LRGUK: variants seen among roughly 807,000 people sequenced by gnomAD.
LRGUK encodes the protein leucine rich repeats and guanylate kinase domain containing.
A neutral mutation model predicts 76.0 loss-of-function variants in LRGUK; 65 were observed. The observed-to-expected ratio is 0.85, with a 90% CI of 0.70 to 1.05. The LOEUF (loss-of-function observed/expected upper bound fraction) is 1.05. Ranked by LOEUF, LRGUK falls within the 50% of genes least tolerant of loss-of-function variation. The pLI is 0.00. For missense variants in LRGUK, 758 were observed against 732.8 expected (o/e 1.03, Z -0.40); for synonymous variants, 268 against 265.6 (o/e 1.01, Z -0.09).
At chr7:134,221,854 A>T in exon 16 of LRGUK, 1 of 1,603,330 alleles carries the variant, frequency 6.2e-7, no homozygotes, top group South Asian at 1.1e-5. Context: ...GATTTCCTGC[A>T]TTCTACAGAC....
At chr7:134,263,705 G>T in intron 19 of LRGUK, 140 bp from the exon 20 acceptor site, 1 of 703,576 alleles carries the variant, frequency 1.4e-6, no homozygotes, top group East Asian at 3.7e-5. Context: ...GTAAGCCACT[G>T]CACCTGGCCT....
At chr7:134,153,143 C>T (rs1233801361) in intron 5 of LRGUK, among the ~76,000 whole-genome samples, 1 of 151,872 alleles carries the variant, frequency 6.6e-6, no homozygotes, top group Non-Finnish European at 1.5e-5. Context: ...TTAAACTTAA[C>T]CCAGCTCTAT....
At position 134,210,083 on chromosome 7, in the gene LRGUK, GA is replaced by G; in HGVS notation, c.3227del (p.Lys1076SerfsTer29). The G allele has an allele frequency of 2.5e-6, 1 of 399,156 alleles. No individual in the cohort carries two copies. The highest frequency in any genetic ancestry group is 4.4e-6 in the Non-Finnish European group (1 of 226,332). 24.7% of individuals were successfully genotyped at this position (399,156 alleles called of 1,614,324 possible). A position where few individuals can be genotyped will look rare whatever the true frequency, so the allele number is the denominator to read the frequency against. ...GCCACTTCAGCAGACAGGGGCTAGG[GA>G]AAAAAAGCTCCCCAACCAGAAAGGG... On this transcript the variant is annotated frameshift_variant, in exon 16 of 16. Transcript: ENST00000645682. LOFTEE classifies it low-confidence loss of function (END_TRUNC).
intron 18 of LRGUK, among the ~76,000 whole-genome samples, chr7:134,257,375 C>A (rs1802611604): frequency 6.6e-6 from 1 of 152,088 alleles, no homozygotes; most frequent in Non-Finnish European, 1.5e-5. Flanking sequence ...AGGATGAGCT[C>A]CCCTGGTAGA....
chr7:134,210,101 C>T lies in LRGUK; in HGVS notation c.3238C>T (p.Gln1080Ter), dbSNP rs1429475626. 5.0e-6 allele frequency: 2 copies of T among 399,378 alleles called. No homozygotes were observed. Among genetic ancestry groups the T allele is most frequent in the Non-Finnish European group, 8.8e-6 (2 of 226,380 alleles). 24.7% of individuals were successfully genotyped at this position (399,378 alleles called of 1,614,324 possible). A position where few individuals can be genotyped will look rare whatever the true frequency, so the allele number is the denominator to read the frequency against. The change falls in exon 16 of 16, where the codon CAG (glutamine) becomes TAG (stop). Residue 1080 changes from glutamine to a stop codon, truncating the protein, a stop_gained. Transcript: ENST00000645682. LOFTEE classifies it low-confidence loss of function (END_TRUNC). ...GGCTAGGGAAAAAAAGCTCCCCAAC[C>T]AGAAAGGGACGGCTAGAGGACTGGC...
chr7:134,217,505 T>A (rs1801466044), intron 15 of LRGUK, among the ~76,000 whole-genome samples: 1 of 152,202 alleles, frequency 6.6e-6, no homozygotes, highest in African/African-American at 2.4e-5. Flanking sequence ...TTCCTTGGAC[T>A]TATGTGATAA....
At chr7:134,240,483 C>T (rs535125984) in intron 16 of LRGUK, among the ~76,000 whole-genome samples, 70 of 152,028 alleles carry the variant, frequency 4.6e-4, no homozygotes, top group South Asian at 4.2e-3. Context: ...TGAAATGAAG[C>T]GAGAAGAGAA....
At chr7:134,155,883 T>A (rs55948110) in intron 5 of LRGUK, among the ~76,000 whole-genome samples, 3,101 of 152,324 alleles carry the variant, frequency 0.02, 106 homozygotes, top group Admixed American at 0.09. Context: ...TCCTTCTTGC[T>A]TAAAAAAATT....
intron 16 of LRGUK, among the ~76,000 whole-genome samples, chr7:134,241,122 T>A (rs867826927): frequency 2.6e-5 from 4 of 152,146 alleles, no homozygotes; most frequent in South Asian, 2.1e-4. Context: ...AGACCATCGA[T>A]GCTAGGAAGA....
At chr7:134,233,925 T>A (rs962759362) in intron 16 of LRGUK, among the ~76,000 whole-genome samples, 3 of 152,222 alleles carry the variant, frequency 2.0e-5, no homozygotes, top group African/African-American at 7.2e-5. Context: ...CAGCTTTGAA[T>A]GCAGCACAAC....
At chr7:134,232,429 C>T (rs1161313979) in intron 16 of LRGUK, among the ~76,000 whole-genome samples, 1 of 152,124 alleles carries the variant, frequency 6.6e-6, no homozygotes, top group East Asian at 1.9e-4. Context: ...CAGGCACGTG[C>T]CACCACACTT....
At chr7:134,172,392 T>G (rs2116972729) in intron 7 of LRGUK, among the ~76,000 whole-genome samples, 1 of 152,354 alleles carries the variant, frequency 6.6e-6, no homozygotes, top group Middle Eastern at 3.4e-3. Flanking sequence ...AAGACTTTAG[T>G]AGTTCCCTTT....
chr7:134,208,641 T>A (rs1801105503), intron 15 of LRGUK: 1 of 397,962 alleles, frequency 2.5e-6, no homozygotes, highest in African/African-American at 2.1e-5. Context: ...AAGATGTTTT[T>A]CTTATTAATT....
intron 13 of LRGUK, among the ~76,000 whole-genome samples, chr7:134,198,311 G>C (rs1800600551): frequency 1.3e-5 from 2 of 152,114 alleles, no homozygotes; most frequent in Non-Finnish European, 2.9e-5. Flanking sequence ...TCCATCTTTT[G>C]TGTCTATCTT....
chr7:134,262,606 C>T (rs1405965796), intron 19 of LRGUK, among the ~76,000 whole-genome samples: 1 of 152,134 alleles, frequency 6.6e-6, no homozygotes, highest in African/African-American at 2.4e-5. Context: ...CGTCTGCTTT[C>T]TTTTCAACAT....
intron 16 of LRGUK, among the ~76,000 whole-genome samples, chr7:134,224,099 A>C (rs1223663371): frequency 2.0e-5 from 3 of 152,208 alleles, no homozygotes; most frequent in Non-Finnish European, 2.9e-5. Context: ...TGCCCTTGGT[A>C]TTCCAGCCTT....
intron 7 of LRGUK, among the ~76,000 whole-genome samples, chr7:134,163,887 A>C (rs1420039033): frequency 6.6e-6 from 1 of 152,184 alleles, no homozygotes; most frequent in Non-Finnish European, 1.5e-5. Flanking sequence ...GGTTGGAGAT[A>C]TAAGAATAGC....
At chr7:134,161,914 G>C (rs111563804) in intron 6 of LRGUK, among the ~76,000 whole-genome samples, 2 of 151,968 alleles carry the variant, frequency 1.3e-5, no homozygotes, top group Admixed American at 6.6e-5. Context: ...GGATGGTCTC[G>C]ATCTCCTGAC....
chr7:134,216,903 TC>T (rs1429031256), intron 15 of LRGUK, among the ~76,000 whole-genome samples: 1 of 152,176 alleles, frequency 6.6e-6, no homozygotes. Flanking sequence ...CAAGCAAAGA[TC>T]ATGCTTAGGG....
Sources: gnomAD v4.1 joint callset for allele counts (sites outside exome capture counted in the v4.1 genomes callset) on GRCh38, gnomAD v4.1.1 for gene constraint, MANE v1.5 for transcripts, NCBI Gene and HGNC (gene_info 2026-07-23, HGNC 2026-07-21) for gene names.